Variants in KLF12 observed in about 807,000 individuals in gnomAD.
The protein encoded by KLF12 is Krueppel-like factor 12.
KLF12 carries 9 observed loss-of-function variants against 37.8 expected under a neutral mutation model. The observed-to-expected ratio is 0.24, with a 90% CI of 0.14 to 0.42. The LOEUF is 0.42. Among genes scored for constraint, KLF12 ranks in the 10% least tolerant of loss-of-function variants. The probability of loss-of-function intolerance (pLI) is 1.00; values close to 1 mark genes in which losing one functional copy is unlikely to be tolerated. For synonymous variants in KLF12, 208 were observed against 202.1 expected (o/e 1.03, Z -0.25); for missense variants, 411 against 516.0 (o/e 0.80, Z 1.97).
chr13:74,136,814 GA>G (rs1878570858), upstream of KLF12, among the ~76,000 whole-genome samples: 1 of 152,050 alleles, frequency 6.6e-6, no homozygotes, highest in Admixed American at 6.5e-5. Flanking sequence ...GCATTGGGGG[GA>G]AAAGATGCAG....
chr13:74,084,523 G>A (rs1566204514), intron 1 of KLF12, among the ~76,000 whole-genome samples: 1 of 152,074 alleles, frequency 6.6e-6, no homozygotes, highest in Non-Finnish European at 1.5e-5. Context: ...CCATGATAGC[G>A]GCAAATTTTA....
chr13:74,010,213 G>A (rs949888310), intron 1 of KLF12, among the ~76,000 whole-genome samples: 1 of 152,016 alleles, frequency 6.6e-6, no homozygotes, highest in African/African-American at 2.4e-5. Context: ...AAAGCACCAG[G>A]ATTACAGGCA....
chr13:74,119,184 T>G (rs995030648), intron 1 of KLF12, among the ~76,000 whole-genome samples: 2 of 151,794 alleles, frequency 1.3e-5, no homozygotes, highest in African/African-American at 4.8e-5. Flanking sequence ...AATACAAAAA[T>G]TATCCAGGTG....
At position 73,792,854 on chromosome 13, in the gene KLF12, A is replaced by T. The variant is rs113454592; in HGVS notation, c.806+20298T>A. ...ATTATAAACACTAAAAATTAGAACC[A>T]AAATGATTTGCTCTACATTACTGCG... is the stretch of plus-strand genomic sequence containing the variant. On this transcript the variant is annotated intron_variant, in intron 5 of 7. Transcript: ENST00000377669. Among the ~76,000 whole-genome samples the T allele has an allele frequency of 3.2e-3, 490 of 152,352 alleles. 2 individuals carry two copies. Among genetic ancestry groups the T allele is most frequent in the African/African-American group, 0.011 (476 of 41,586 alleles).
intron 7 of KLF12, among the ~76,000 whole-genome samples, chr13:73,702,649 A>T (rs991658312): frequency 2.0e-5 from 3 of 152,206 alleles, no homozygotes; most frequent in African/African-American, 7.2e-5. Context: ...TGCATTTCTG[A>T]AACGTGTCCC....
intron 6 of KLF12, among the ~76,000 whole-genome samples, chr13:73,737,168 C>T (rs1341923915): frequency 1.3e-5 from 2 of 152,132 alleles, no homozygotes; most frequent in Non-Finnish European, 2.9e-5. Context: ...TAACAAGTCA[C>T]TATGGAGCTT....
At chr13:74,049,506 C>A (rs1375783506) in intron 1 of KLF12, among the ~76,000 whole-genome samples, 1 of 152,042 alleles carries the variant, frequency 6.6e-6, no homozygotes, top group Non-Finnish European at 1.5e-5. Flanking sequence ...TATTAATGCA[C>A]TCACCAAATA....
chr13:73,909,307 C>G (rs1888461805), intron 3 of KLF12, among the ~76,000 whole-genome samples: 1 of 152,172 alleles, frequency 6.6e-6, no homozygotes, highest in Admixed American at 6.5e-5. Flanking sequence ...AACAATTTGA[C>G]TAGTTAATAA....
the KLF12 span, among the ~76,000 whole-genome samples, chr13:74,249,065 A>T: frequency 6.6e-6 from 1 of 152,018 alleles, no homozygotes; most frequent in African/African-American, 2.4e-5. Flanking sequence ...AAATTTGTGG[A>T]CCCTGGAGCC....
intron 6 of KLF12, among the ~76,000 whole-genome samples, chr13:73,742,181 G>A (rs12865628): frequency 0.19 from 29,382 of 152,082 alleles, 3,690 homozygotes; most frequent in Non-Finnish European, 0.28. Context: ...AAAGGGCAGC[G>A]CTTATTTACA....
At chr13:74,124,080 C>G (rs989753643) in intron 1 of KLF12, among the ~76,000 whole-genome samples, 1 of 152,184 alleles carries the variant, frequency 6.6e-6, no homozygotes, top group Non-Finnish European at 1.5e-5. Context: ...AAACAAAACA[C>G]AAGGTAACGG....
chr13:74,107,550 G>T (rs963424412), intron 1 of KLF12, among the ~76,000 whole-genome samples: 1 of 152,212 alleles, frequency 6.6e-6, no homozygotes, highest in Admixed American at 6.5e-5. Flanking sequence ...GTGTGTATTT[G>T]TGCGCATGCG....
intron 1 of KLF12, among the ~76,000 whole-genome samples, chr13:74,058,389 C>T (rs1362063390): frequency 2.3e-5 from 3 of 128,978 alleles, no homozygotes; most frequent in African/African-American, 8.8e-5. Context: ...CAGAGTCTCG[C>T]TCTGTCACCC....
chr13:73,994,474 A>T (rs9565066), intron 2 of KLF12, among the ~76,000 whole-genome samples: 8 of 141,800 alleles, frequency 5.6e-5, no homozygotes, highest in Admixed American at 1.4e-4. Context: ...CGCCCCCCCC[A>T]CCACCACACT....
At chr13:74,009,958 CTTTTA>C (rs1335949462) in intron 1 of KLF12, among the ~76,000 whole-genome samples, 2 of 152,086 alleles carry the variant, frequency 1.3e-5, no homozygotes, top group Admixed American at 6.6e-5. Flanking sequence ...TTTGCTTTTA[CTTTTA>C]TTTTGAGACA....
chr13:73,934,806 G>T (rs1412131635), intron 3 of KLF12, among the ~76,000 whole-genome samples: 1 of 151,368 alleles, frequency 6.6e-6, no homozygotes, highest in African/African-American at 2.4e-5. Context: ...ATTTTTTTCT[G>T]ATCTCCCTCT....
At chr13:73,715,208 C>T (rs1875706937) in intron 7 of KLF12, among the ~76,000 whole-genome samples, 160 bp downstream of exon 7, 1 of 152,104 alleles carries the variant, frequency 6.6e-6, no homozygotes, top group Non-Finnish European at 1.5e-5. Flanking sequence ...TCTCAAGTTT[C>T]TCTCTTTCTC....
At chr13:73,756,786 C>T (rs748459557) in intron 6 of KLF12, among the ~76,000 whole-genome samples, 1 of 152,126 alleles carries the variant, frequency 6.6e-6, no homozygotes, top group Non-Finnish European at 1.5e-5. Context: ...CATACTCTAG[C>T]TTCCTCTATT....
intron 1 of KLF12, among the ~76,000 whole-genome samples, chr13:74,002,344 A>G (rs955790893): frequency 2.2e-4 from 33 of 152,230 alleles, no homozygotes; most frequent in African/African-American, 8.0e-4. Flanking sequence ...GTTTAGAATG[A>G]CAAATTATTT....
Sources: allele counts gnomAD v4.1 joint callset (sites outside exome capture counted in the v4.1 genomes callset), GRCh38; gene constraint gnomAD v4.1.1; transcripts MANE v1.5; gene names NCBI Gene and HGNC (gene_info 2026-07-23, HGNC 2026-07-21).